Variants in CMKLR2 observed in about 807,000 individuals in gnomAD.
The protein encoded by CMKLR2 is chemerin chemokine-like receptor 2.
Under a neutral mutation model 23.0 loss-of-function variants are expected in CMKLR2, and 18 were observed. The observed-to-expected ratio is 0.78, with a 90% CI of 0.54 to 1.16. The LOEUF is 1.16. Ranked by LOEUF, CMKLR2 falls within the 50% of genes most tolerant of loss-of-function variation. The probability of loss-of-function intolerance (pLI) is 0.00; values close to 1 mark genes in which losing one functional copy is unlikely to be tolerated. For synonymous variants in CMKLR2, 158 were observed against 158.9 expected (o/e 0.99, Z 0.05); for missense variants, 401 against 412.7 (o/e 0.97, Z 0.25).
chr2:206,201,654 TAA>T (rs550268935), intron 1 of CMKLR2, among the ~76,000 whole-genome samples: 3 of 139,208 alleles, frequency 2.2e-5, no homozygotes, highest in Admixed American at 7.2e-5. Context: ...ATGAGACAGC[TAA>T]AAAAAAAAAA....
chr2:206,201,317 T>G (rs1020154232), intron 1 of CMKLR2, among the ~76,000 whole-genome samples: 1 of 152,046 alleles, frequency 6.6e-6, no homozygotes, highest in African/African-American at 2.4e-5. Context: ...CTCCAACAGG[T>G]TTTCCTAGCA....
At chr2:206,177,306 A>C in intron 1 of CMKLR2, 31 bp from the exon 2 acceptor site, 3 of 1,085,226 alleles carry the variant, frequency 2.8e-6, no homozygotes, top group South Asian at 1.7e-5. Flanking sequence ...AGAAAGAAAA[A>C]ATTTTAAAAG....
chr2:206,197,751 A>T (rs1688965830), intron 1 of CMKLR2, among the ~76,000 whole-genome samples: 1 of 151,900 alleles, frequency 6.6e-6, no homozygotes, highest in Non-Finnish European at 1.5e-5. Context: ...CTGGTCTAGA[A>T]CTCTTGAGCT....
At chr2:206,203,563 G>C (rs1405134095) in intron 1 of CMKLR2, 1 of 152,196 alleles carries the variant, frequency 6.6e-6, no homozygotes, top group Non-Finnish European at 1.5e-5. Context: ...CCTGGAAATG[G>C]TGGCGCGCCC....
intron 1 of CMKLR2, among the ~76,000 whole-genome samples, chr2:206,205,826 A>G (rs946798514): frequency 2.0e-5 from 3 of 151,646 alleles, no homozygotes; most frequent in Non-Finnish European, 4.4e-5. Context: ...CAGCCTCCCT[A>G]CTAGCTGGGA....
At chr2:206,212,871 T>C (rs1449788172) in intron 1 of CMKLR2, among the ~76,000 whole-genome samples, 3 of 152,162 alleles carry the variant, frequency 2.0e-5, no homozygotes, top group Admixed American at 2.0e-4. Context: ...CAATATCAGC[T>C]TTCATCTCGG....
chr2:206,194,557 A>C (rs184321989), intron 1 of CMKLR2, among the ~76,000 whole-genome samples: 2 of 144,424 alleles, frequency 1.4e-5, no homozygotes, highest in Non-Finnish European at 3.0e-5. Context: ...TCCCAGGTCC[A>C]AGCAGTTCTC....
At chr2:206,201,841 A>T (rs1380564304) in intron 1 of CMKLR2, among the ~76,000 whole-genome samples, 1 of 152,150 alleles carries the variant, frequency 6.6e-6, no homozygotes, top group Non-Finnish European at 1.5e-5. Context: ...ATGGAGAGAA[A>T]CTATATCATG....
chr2:206,195,084 G>T (rs1019516794), intron 1 of CMKLR2, among the ~76,000 whole-genome samples: 2 of 152,094 alleles, frequency 1.3e-5, no homozygotes, highest in South Asian at 4.1e-4. Flanking sequence ...TTATTTTATG[G>T]TAATGAAAAC....
Position 206,176,438 on chromosome 2 carries a change from G to A in CMKLR2, c.810C>T (p.Leu270=), listed in dbSNP as rs1559080669. The stretch of plus-strand genomic sequence containing the variant: ...GGGAATAGCTATTGTGGTGAATGGT[G>A]AGCTCCCAAATGCTAAACAGGTGAT... ...TPYHLFSIWE[L]TIHHNSYSHH... Residue 270 remains leucine (L), a synonymous_variant, in exon 2 of 2, where the codon CTC becomes CTT. Coordinates refer to ENST00000621141, the MANE Select transcript of CMKLR2 (RefSeq NM_001389445.1). 1.2e-6 allele frequency: 2 copies of A among 1,614,156 alleles called. No homozygotes were observed. Among genetic ancestry groups the A allele is most frequent in the Non-Finnish European group, 8.5e-7 (1 of 1,180,028 alleles).
At chr2:206,203,370 T>C (rs1689179283) in intron 1 of CMKLR2, 1 of 140,798 alleles carries the variant, frequency 7.1e-6, no homozygotes. Flanking sequence ...CCAACACCGG[T>C]GTCTTGCATT....
At chr2:206,206,289 G>A (rs1303356802) in intron 1 of CMKLR2, among the ~76,000 whole-genome samples, 3 of 152,140 alleles carry the variant, frequency 2.0e-5, no homozygotes, top group Non-Finnish European at 4.4e-5. Context: ...AAGGTGGATG[G>A]TTTTATTTTG....
At chr2:206,214,807 A>G (rs1014727229), upstream of CMKLR2, among the ~76,000 whole-genome samples, 2 of 151,398 alleles carry the variant, frequency 1.3e-5, no homozygotes, top group East Asian at 2.0e-4. Context: ...TTTGTATTTT[A>G]GTAGAGACGG....
At chr2:206,195,996 G>C (rs1052907339) in intron 1 of CMKLR2, among the ~76,000 whole-genome samples, 5 of 152,090 alleles carry the variant, frequency 3.3e-5, no homozygotes, top group African/African-American at 9.7e-5. Flanking sequence ...CTATTCAGTG[G>C]CATGATTAGC....
chr2:206,201,119 T>G (rs530114372), intron 1 of CMKLR2, among the ~76,000 whole-genome samples: 1 of 152,206 alleles, frequency 6.6e-6, no homozygotes, highest in African/African-American at 2.4e-5. Context: ...TCCTGGCTAA[T>G]TTTTGTATTT....
chr2:206,177,704 G>T (rs936052528), intron 1 of CMKLR2, among the ~76,000 whole-genome samples: 10 of 152,054 alleles, frequency 6.6e-5, no homozygotes, highest in African/African-American at 2.2e-4. Context: ...TATATTTTTT[G>T]ATAGGACTTG....
intron 1 of CMKLR2, among the ~76,000 whole-genome samples, chr2:206,181,951 C>CAAA (rs34520665): frequency 1.5e-4 from 10 of 68,526 alleles, no homozygotes; most frequent in Admixed American, 5.6e-4. Flanking sequence ...AACTCCACCT[C>CAAA]AAAAAAAAAA....
chr2:206,210,803 G>A (rs962246279), intron 1 of CMKLR2, among the ~76,000 whole-genome samples: 4 of 152,088 alleles, frequency 2.6e-5, no homozygotes, highest in Non-Finnish European at 5.9e-5. Context: ...TAAAGAAAAA[G>A]CTCTGTCAAC....
At chr2:206,216,640 A>T (rs1689763541), upstream of CMKLR2, among the ~76,000 whole-genome samples, 1 of 152,224 alleles carries the variant, frequency 6.6e-6, no homozygotes, top group South Asian at 2.1e-4. Flanking sequence ...AACTGGGCTC[A>T]GAGATGGAAG....
Sources: gnomAD v4.1 joint callset for allele counts (sites outside exome capture counted in the v4.1 genomes callset) on GRCh38, gnomAD v4.1.1 for gene constraint, MANE v1.5 for transcripts, NCBI Gene and HGNC (gene_info 2026-07-23, HGNC 2026-07-21) for gene names.